The following PDCD2L variants were observed in gnomAD, a reference collection of about 807,000 sequenced individuals.
PDCD2L encodes the protein uS5 assembly chaperone PDCD2L.
In PDCD2L, 44 loss-of-function variants were observed where a neutral mutation model predicts 40.4. The observed-to-expected ratio is 1.09, with a 90% CI of 0.86 to 1.40. The LOEUF is 1.40. Among genes scored for constraint, PDCD2L ranks in the 40% most tolerant of loss-of-function variants. The pLI is 0.00. For synonymous variants in PDCD2L, 194 were observed against 174.6 expected, an observed-to-expected ratio of 1.11 and a Z score of -0.88; for missense variants, 470 against 453.7, an observed-to-expected ratio of 1.04 and a Z score of -0.33.
chr19:34,409,495 A>G lies in PDCD2L; in HGVS notation c.671A>G (p.Gln224Arg), dbSNP rs370218371. 1 of 1,613,706 alleles carries G rather than the reference A, an allele frequency of 6.2e-7. No homozygotes were observed. The highest frequency in any genetic ancestry group is 8.5e-7 in the Non-Finnish European group (1 of 1,179,816). ...CAGAGAGAAGGCATTGCCATGGATC[A>G]GTTGCTTTCCCAAAGGTGAGGATGT... ...YQQREGIAMD[Q>R]LLSQSLPNDG... Residue 224 changes from glutamine (Q) to arginine (R), a missense_variant, in exon 4 of 7, where the codon CAG (glutamine) becomes CGG (arginine). Transcript: ENST00000246535.
chr19:34,418,158 G>T (rs951657960), intron 5 of PDCD2L, among the ~76,000 whole-genome samples: 1 of 152,170 alleles, frequency 6.6e-6, no homozygotes, highest in Non-Finnish European at 1.5e-5. Flanking sequence ...AACAGACTGC[G>T]TATATTTTTA....
At chr19:34,420,750 C>G (rs1568361188) in intron 5 of PDCD2L, among the ~76,000 whole-genome samples, 2 of 151,158 alleles carry the variant, frequency 1.3e-5, no homozygotes, top group Non-Finnish European at 2.9e-5. Flanking sequence ...TGTGATTGTG[C>G]CACTGCACTC....
intron 6 of PDCD2L, 198 bp downstream of exon 6, chr19:34,421,865 G>A: frequency 2.1e-6 from 1 of 469,470 alleles, no homozygotes; most frequent in Non-Finnish European, 3.6e-6. Flanking sequence ...CAAGGCGGGT[G>A]GATCACAAGG....
At chr19:34,415,937 C>T (rs952927187) in intron 5 of PDCD2L, among the ~76,000 whole-genome samples, 10 of 152,166 alleles carry the variant, frequency 6.6e-5, no homozygotes, top group Admixed American at 3.9e-4. Context: ...TTTCTTTTTT[C>T]GGAAACGGAA....
At chr19:34,409,105 G>T in intron 3 of PDCD2L, 56 bp from the exon 4 acceptor site, 1 of 1,523,574 alleles carries the variant, frequency 6.6e-7, no homozygotes, top group Non-Finnish European at 9.0e-7. Flanking sequence ...GGAGCCGAAG[G>T]ATTAGAATAA....
At chr19:34,415,563 G>A (rs2075123303) in intron 5 of PDCD2L, among the ~76,000 whole-genome samples, 2 of 152,140 alleles carry the variant, frequency 1.3e-5, no homozygotes, top group Non-Finnish European at 2.9e-5. Context: ...GTAAAAACAG[G>A]TCCAGACAAA....
rs554669635 is a variant in PDCD2L, at chr19:34,407,325, A to G, written c.337-1836A>G. 5.3e-5 allele frequency among the ~76,000 whole-genome samples: 8 copies of G among 151,834 alleles called. No homozygotes were observed. The East Asian group carries it at 1.6e-3, about 30-fold the overall frequency. ...CCCAGCTAATTTTTGTATTTTTAGTAGAGATGGGGTTTCACCGTGTAGCCA... is the reference window on the plus strand; with the variant it reads ...CCCAGCTAATTTTTGTATTTTTAGTGGAGATGGGGTTTCACCGTGTAGCCA... On this transcript the variant is annotated intron_variant, in intron 3 of 6. Coordinates refer to ENST00000246535, the MANE Select transcript of PDCD2L (RefSeq NM_032346.2).
chr19:34,411,207 C>G (rs1275611996), intron 4 of PDCD2L, among the ~76,000 whole-genome samples: 1 of 143,646 alleles, frequency 7.0e-6, no homozygotes, highest in African/African-American at 2.6e-5. Flanking sequence ...GCTTTGTTTC[C>G]CAGGCTGAAC....
intron 6 of PDCD2L, among the ~76,000 whole-genome samples, chr19:34,423,606 TGCCTCA>T (rs962969530): frequency 6.7e-6 from 1 of 150,086 alleles, no homozygotes; most frequent in African/African-American, 2.5e-5. Context: ...GCGATTCTCC[TGCCTCA>T]GCCTCTTGAG....
At chr19:34,421,431 A>C in intron 5 of PDCD2L, 88 bp from the exon 6 acceptor site, 1 of 1,483,276 alleles carries the variant, frequency 6.7e-7, no homozygotes, top group South Asian at 1.3e-5. Flanking sequence ...TTCTGCAAGA[A>C]ACAAAGAAAG....
chr19:34,421,556 C>T lies in PDCD2L; in HGVS notation c.835C>T (p.Pro279Ser). The T allele has an allele frequency of 1.2e-6, 2 of 1,613,982 alleles. No individual in the cohort carries two copies. Among genetic ancestry groups the T allele is most frequent in the Non-Finnish European group, 1.7e-6 (2 of 1,179,990 alleles). ...TGGAGAGCCACTCTTTTTGACCTGCCCTACATCAGAAGTCACCGAGCTCCC... is the reference window on the plus strand; with the variant it reads ...TGGAGAGCCACTCTTTTTGACCTGCTCTACATCAGAAGTCACCGAGCTCCC... ...WSGEPLFLTC[P>S]TSEVTELPAC... The change falls in exon 6 of 7, where the codon CCT becomes TCT. Residue 279 changes from proline (P) to serine (S), a missense_variant. Pro to Ser is a moderately conservative substitution (Grantham distance 74). Coordinates refer to ENST00000246535, the MANE Select transcript of PDCD2L (RefSeq NM_032346.2).
At chr19:34,417,517 A>C (rs2075131366) in intron 5 of PDCD2L, among the ~76,000 whole-genome samples, 1 of 152,114 alleles carries the variant, frequency 6.6e-6, no homozygotes, top group African/African-American at 2.4e-5. Context: ...CTGAGGCAGA[A>C]GAATTGCTTG....
chr19:34,426,090 A>G lies in PDCD2L; in HGVS notation c.1047A>G (p.Gln349=), dbSNP rs1295149019. The G allele has an allele frequency of 2.5e-6, 4 of 1,588,822 alleles. No individual in the cohort carries two copies. The highest frequency in any genetic ancestry group is 4.5e-5 in the East Asian group (2 of 44,728). ...CCATGGAAGAATTTTGTATTATACA[A>G]GAAGACCCAGATGAATTATTGTTTA... ...QTPMEEFCII[Q]EDPDELLFK The change falls in exon 7 of 7, where the codon CAA becomes CAG. Residue 349 remains glutamine, a synonymous_variant. Coordinates refer to ENST00000246535, the MANE Select transcript of PDCD2L (RefSeq NM_032346.2).
intron 5 of PDCD2L, among the ~76,000 whole-genome samples, chr19:34,421,219 C>T (rs372872060): frequency 2.0e-5 from 3 of 152,194 alleles, no homozygotes; most frequent in African/African-American, 2.4e-5. Context: ...ATGCCCTTTC[C>T]TCTGTAAGGC....
intron 4 of PDCD2L, among the ~76,000 whole-genome samples, chr19:34,411,935 G>A (rs1017297375): frequency 6.8e-5 from 10 of 146,222 alleles, no homozygotes; most frequent in South Asian, 2.2e-4. Context: ...GATTGCAGGC[G>A]TGAGCCACCG....
chr19:34,419,773 CTTT>C (rs754032924), intron 5 of PDCD2L, among the ~76,000 whole-genome samples: 6 of 36,630 alleles, frequency 1.6e-4, no homozygotes, highest in Non-Finnish European at 2.8e-4. Context: ...CTTTATGTTG[CTTT>C]TTTTTTTTTT....
chr19:34,404,762 G>C lies in PDCD2L; in HGVS notation c.222G>C (p.Leu74=). ...CPLEGSPFHR[L]LHVFACACPG... ...TGGAAGGCTCCCCGTTTCACCGTCT[G>C]CTGCACGTGTTCGCGTGCGCCTGCC... The change falls in exon 2 of 7, where the codon CTG becomes CTC. Residue 74 remains leucine, a synonymous_variant. Coordinates refer to ENST00000246535, the MANE Select transcript of PDCD2L (RefSeq NM_032346.2). 1 of 1,610,730 alleles carries C rather than the reference G, an allele frequency of 6.2e-7. No individual in the cohort carries two copies. The highest frequency in any genetic ancestry group is 1.1e-5 in the South Asian group (1 of 90,846).
chr19:34,406,101 C>G (rs544955233), intron 3 of PDCD2L, among the ~76,000 whole-genome samples: 1 of 152,284 alleles, frequency 6.6e-6, no homozygotes, highest in African/African-American at 2.4e-5. Flanking sequence ...ACACTTGTGC[C>G]ACTGCACTCC....
chr19:34,425,867 C>A, intron 6 of PDCD2L, 123 bp from the exon 7 acceptor site: 1 of 900,734 alleles, frequency 1.1e-6, no homozygotes, highest in Non-Finnish European at 1.7e-6. Flanking sequence ...TAGCTGAAAG[C>A]AGTAAGCACT....
Sources: allele counts gnomAD v4.1 joint callset (sites outside exome capture counted in the v4.1 genomes callset), GRCh38; gene constraint gnomAD v4.1.1; transcripts MANE v1.5; gene names NCBI Gene and HGNC (gene_info 2026-07-23, HGNC 2026-07-21).